The following LRMDA variants were observed in gnomAD, a reference collection of about 807,000 sequenced individuals.
LRMDA encodes leucine-rich melanocyte differentiation-associated protein.
In LRMDA, 18 loss-of-function variants were observed where a neutral mutation model predicts 29.8. That is an observed-to-expected ratio of 0.60 (90% CI 0.42 to 0.90). The LOEUF (loss-of-function observed/expected upper bound fraction) is 0.90, where lower values mean the gene tolerates loss of function less well. Ranked by LOEUF, LRMDA falls within the 40% of genes least tolerant of loss-of-function variation. LRMDA has a pLI of 0.00. For missense variants in LRMDA, 273 were observed against 273.9 expected (o/e 1.00, Z 0.02); for synonymous variants, 125 against 109.4 (o/e 1.14, Z -0.89).
intron 2 of LRMDA, among the ~76,000 whole-genome samples, chr10:75,982,067 A>T (rs1051404135): frequency 2.6e-5 from 4 of 152,030 alleles, no homozygotes; most frequent in Non-Finnish European, 5.9e-5. Flanking sequence ...TGACCTGTCA[A>T]ATCTCCCCTG....
At chr10:76,440,539 A>T (rs1052713773) in intron 6 of LRMDA, among the ~76,000 whole-genome samples, 1 of 11,522 alleles carries the variant, frequency 8.7e-5, no homozygotes, top group Non-Finnish European at 1.5e-4. Flanking sequence ...AATTAACTTC[A>T]CTTAGTCTGA....
At chr10:75,864,888 A>G (rs1250719573) in intron 2 of LRMDA, among the ~76,000 whole-genome samples, 1 of 152,198 alleles carries the variant, frequency 6.6e-6, no homozygotes, top group Non-Finnish European at 1.5e-5. Context: ...CCATTATATC[A>G]TACCTCCTTG....
At chr10:76,097,206 T>C (rs1294216021) in intron 5 of LRMDA, among the ~76,000 whole-genome samples, 2 of 152,140 alleles carry the variant, frequency 1.3e-5, no homozygotes, top group Non-Finnish European at 2.9e-5. Context: ...AGATGGGGTT[T>C]CACCATGTTG....
At chr10:75,663,639 T>C (rs1401124453) in intron 2 of LRMDA, among the ~76,000 whole-genome samples, 3 of 152,040 alleles carry the variant, frequency 2.0e-5, no homozygotes, top group African/African-American at 7.2e-5. Flanking sequence ...CAGAGAAGGG[T>C]TATCTGTAGC....
At position 75,526,756 on chromosome 10, in the gene LRMDA, G is replaced by T. The variant is rs374484543; in HGVS notation, c.131+88262G>T. The stretch of plus-strand genomic sequence containing the variant: ...CTGTGGTTCCTATTACTCTGGTGGA[G>T]ACTAAAGCAGGAGGATGGCTGGAGC... On this transcript the variant is annotated intron_variant, in intron 2 of 6. Transcript: ENST00000611255. Among the ~76,000 whole-genome samples the T allele has an allele frequency of 5.9e-5, 9 of 151,756 alleles. No individual in the cohort carries two copies. The East Asian group carries it at 1.2e-3, about 20-fold the overall frequency.
intron 2 of LRMDA, among the ~76,000 whole-genome samples, chr10:75,594,283 G>T (rs1840759540): frequency 6.6e-6 from 1 of 152,156 alleles, no homozygotes; most frequent in South Asian, 2.1e-4. Context: ...AACGGTAGTT[G>T]GTGCTTTCTC....
chr10:75,433,580 C>G (rs889233785), intron 1 of LRMDA, among the ~76,000 whole-genome samples: 4 of 152,034 alleles, frequency 2.6e-5, no homozygotes, highest in African/African-American at 4.8e-5. Flanking sequence ...TTTCTACATT[C>G]TGCTCCCAGC....
At chr10:75,775,164 T>C (rs960176864) in intron 2 of LRMDA, among the ~76,000 whole-genome samples, 5 of 152,242 alleles carry the variant, frequency 3.3e-5, no homozygotes, top group African/African-American at 1.2e-4. Flanking sequence ...GGATTCTCCA[T>C]GTTATTTTTA....
intron 5 of LRMDA, among the ~76,000 whole-genome samples, chr10:76,082,197 C>T (rs1457457747): frequency 9.2e-5 from 14 of 152,100 alleles, no homozygotes; most frequent in Non-Finnish European, 1.6e-4. Flanking sequence ...CTTGACTATG[C>T]GTGGATCTGT....
intron 2 of LRMDA, among the ~76,000 whole-genome samples, chr10:75,751,471 T>TA (rs1842968940): frequency 6.6e-6 from 1 of 152,314 alleles, no homozygotes; most frequent in East Asian, 1.9e-4. Context: ...TAAATTTAAA[T>TA]AATTTCAGTT....
chr10:75,782,935 C>G, intron 2 of LRMDA: 1 of 1,613,000 alleles, frequency 6.2e-7, no homozygotes, highest in East Asian at 2.2e-5. Context: ...CTCAGTGTAG[C>G]CATCAAGAAT....
At chr10:76,266,518 T>A (rs1465517193) in intron 5 of LRMDA, among the ~76,000 whole-genome samples, 2 of 152,190 alleles carry the variant, frequency 1.3e-5, no homozygotes, top group Non-Finnish European at 2.9e-5. Context: ...ATTACCTAAT[T>A]TAGTTCTTGC....
At chr10:75,572,139 A>T (rs1840444841) in intron 2 of LRMDA, among the ~76,000 whole-genome samples, 1 of 152,044 alleles carries the variant, frequency 6.6e-6, no homozygotes, top group Non-Finnish European at 1.5e-5. Context: ...TTTTTAGTAG[A>T]GACGGGGTTT....
chr10:76,389,157 G>C (rs1159547121), intron 6 of LRMDA, among the ~76,000 whole-genome samples: 3 of 152,326 alleles, frequency 2.0e-5, no homozygotes, highest in South Asian at 4.1e-4. Context: ...GCTGTGGGTA[G>C]ATGGTTGGAA....
At chr10:75,580,206 T>G (rs1189551847) in intron 2 of LRMDA, among the ~76,000 whole-genome samples, 9 of 152,176 alleles carry the variant, frequency 5.9e-5, no homozygotes, top group East Asian at 1.9e-4. Flanking sequence ...CTTAAGCTGA[T>G]AAAAAACTTC....
chr10:75,687,250 G>A (rs1309597783), intron 2 of LRMDA, among the ~76,000 whole-genome samples: 1 of 152,222 alleles, frequency 6.6e-6, no homozygotes, highest in Non-Finnish European at 1.5e-5. Flanking sequence ...CAACATGTCA[G>A]CCTCTCATGC....
chr10:76,271,635 T>C (rs894198776), intron 5 of LRMDA, among the ~76,000 whole-genome samples: 2 of 152,106 alleles, frequency 1.3e-5, no homozygotes, highest in South Asian at 4.1e-4. Flanking sequence ...GAAATATAGG[T>C]TCAGTGACAG....
intron 2 of LRMDA, chr10:75,450,896 G>A (rs1844453256): frequency 6.6e-6 from 1 of 152,232 alleles, no homozygotes; most frequent in Non-Finnish European, 1.5e-5. Flanking sequence ...ACATGTTAAT[G>A]CAGAGCAAAT....
At chr10:76,544,616 A>G (rs937066622) in intron 6 of LRMDA, among the ~76,000 whole-genome samples, 11 of 151,680 alleles carry the variant, frequency 7.3e-5, no homozygotes, top group African/African-American at 2.7e-4. Flanking sequence ...GGTTCATATA[A>G]CTCTTATAAC....
Sources: allele counts gnomAD v4.1 joint callset (sites outside exome capture counted in the v4.1 genomes callset), GRCh38; gene constraint gnomAD v4.1.1; transcripts MANE v1.5; gene names NCBI Gene and HGNC (gene_info 2026-07-23, HGNC 2026-07-21).